The following CAMKMT variants were observed in gnomAD, a reference collection of about 807,000 sequenced individuals.
CAMKMT encodes calmodulin-lysine N-methyltransferase.
In CAMKMT, 53 loss-of-function variants were observed where a neutral mutation model predicts 48.0. The observed-to-expected ratio is 1.10, with a 90% CI of 0.89 to 1.39. The LOEUF (loss-of-function observed/expected upper bound fraction) is 1.39. CAMKMT is among the 40% of genes most tolerant of loss of function. CAMKMT has a pLI of 0.00. For synonymous variants in CAMKMT, 165 were observed against 152.3 expected, an observed-to-expected ratio of 1.08 and a Z score of -0.61; for missense variants, 428 against 402.7, an observed-to-expected ratio of 1.06 and a Z score of -0.54.
intron 10 of CAMKMT, among the ~76,000 whole-genome samples, chr2:44,768,263 G>T (rs1680930705): frequency 1.3e-5 from 2 of 151,538 alleles, no homozygotes; most frequent in Non-Finnish European, 2.9e-5. Flanking sequence ...GTGGTTGGGG[G>T]TGGGGAGAGT....
At chr2:44,464,800 C>T (rs1668026821) in intron 3 of CAMKMT, among the ~76,000 whole-genome samples, 1 of 152,152 alleles carries the variant, frequency 6.6e-6, no homozygotes, top group African/African-American at 2.4e-5. Flanking sequence ...CATCATTTAT[C>T]ATCACTAGAC....
intron 3 of CAMKMT, among the ~76,000 whole-genome samples, chr2:44,517,774 G>T (rs1376226091): frequency 6.6e-6 from 1 of 152,160 alleles, no homozygotes; most frequent in Non-Finnish European, 1.5e-5. Context: ...TAGTTAGAAA[G>T]ATCATCAACA....
chr2:44,385,303 A>G (rs1467772839), intron 2 of CAMKMT, among the ~76,000 whole-genome samples: 14 of 152,254 alleles, frequency 9.2e-5, no homozygotes, highest in Non-Finnish European at 1.5e-5. Context: ...GGTGTATAGA[A>G]AAACTATTGA....
At chr2:44,437,266 G>C (rs1229685988) in intron 3 of CAMKMT, among the ~76,000 whole-genome samples, 1 of 152,124 alleles carries the variant, frequency 6.6e-6, no homozygotes, top group African/African-American at 2.4e-5. Flanking sequence ...ATAGATTAAT[G>C]TTTATATACA....
At chr2:44,554,844 C>T (rs761837751) in intron 3 of CAMKMT, among the ~76,000 whole-genome samples, 6 of 152,082 alleles carry the variant, frequency 3.9e-5, no homozygotes, top group African/African-American at 9.7e-5. Context: ...CCCTGCACTC[C>T]GGCCCGAGTG....
chr2:44,537,953 G>A (rs1666872295), intron 3 of CAMKMT, among the ~76,000 whole-genome samples: 2 of 152,148 alleles, frequency 1.3e-5, no homozygotes, highest in South Asian at 2.1e-4. Flanking sequence ...CCACTACTGG[G>A]TATCTACCCA....
At chr2:44,654,335 TA>T (rs1273198377) in intron 3 of CAMKMT, among the ~76,000 whole-genome samples, 1 of 152,154 alleles carries the variant, frequency 6.6e-6, no homozygotes, top group Non-Finnish European at 1.5e-5. Context: ...TTAAGTTTTT[TA>T]CATTACTCAA....
chr2:44,685,028 C>T (rs1676258824), intron 3 of CAMKMT, among the ~76,000 whole-genome samples: 1 of 151,924 alleles, frequency 6.6e-6, no homozygotes, highest in Admixed American at 6.6e-5. Context: ...TTGCTATTCT[C>T]CATGAATACA....
rs118159734 is a variant in CAMKMT at position 44,617,261 on chromosome 2, A to G, written c.377-87022A>G. On this transcript the variant is annotated intron_variant, in intron 3 of 10. Coordinates refer to ENST00000378494, the MANE Select transcript of CAMKMT (RefSeq NM_024766.5). ...CAGAAACTTTTATTAATATTGACCC[A>G]TAACTGTGGCTCTGCAGGAGTTTTT... is the stretch of plus-strand genomic sequence containing the variant. 7.2e-5 allele frequency among the ~76,000 whole-genome samples: 11 copies of G among 152,322 alleles called. No individual in the cohort carries two copies. The East Asian group carries it at 1.9e-3, about 27-fold the overall frequency.
intron 3 of CAMKMT, among the ~76,000 whole-genome samples, chr2:44,625,228 T>G (rs182703303): frequency 3.9e-4 from 59 of 152,356 alleles, no homozygotes; most frequent in African/African-American, 1.3e-3. Flanking sequence ...GATTTCAATT[T>G]GCATTCCCCT....
At chr2:44,681,351 C>T (rs1296820073) in intron 3 of CAMKMT, among the ~76,000 whole-genome samples, 3 of 152,098 alleles carry the variant, frequency 2.0e-5, no homozygotes, top group East Asian at 1.9e-4. Flanking sequence ...GGATTTTAGT[C>T]GCAGCTGATC....
intron 6 of CAMKMT, among the ~76,000 whole-genome samples, chr2:44,708,211 A>ATTTTTGTTTTT (rs1677672266): frequency 1.5e-5 from 1 of 68,180 alleles, no homozygotes; most frequent in Non-Finnish European, 2.5e-5. Flanking sequence ...TTTGCTTTGG[A>ATTTTTGTTTTT]TTTTTTTTTT....
At chr2:44,484,641 A>C (rs1189630223) in intron 3 of CAMKMT, among the ~76,000 whole-genome samples, 1 of 151,848 alleles carries the variant, frequency 6.6e-6, no homozygotes, top group Non-Finnish European at 1.5e-5. Context: ...ACATTAATGC[A>C]TAAGAATATC....
At chr2:44,698,792 T>C (rs2138590) in intron 3 of CAMKMT, among the ~76,000 whole-genome samples, 1 of 152,256 alleles carries the variant, frequency 6.6e-6, no homozygotes. Flanking sequence ...CATGCGATGC[T>C]ATTTGACAGC....
intron 3 of CAMKMT, among the ~76,000 whole-genome samples, chr2:44,403,134 T>A (rs1682545221): frequency 6.6e-6 from 1 of 152,144 alleles, no homozygotes; most frequent in South Asian, 2.1e-4. Flanking sequence ...TAGGGAACCC[T>A]GGCTGTCCAT....
intron 3 of CAMKMT, among the ~76,000 whole-genome samples, chr2:44,674,211 T>C (rs1675536327): frequency 1.3e-5 from 2 of 152,244 alleles, no homozygotes; most frequent in South Asian, 4.1e-4. Context: ...AACTCATTAT[T>C]GTTTGAATGA....
intron 3 of CAMKMT, among the ~76,000 whole-genome samples, chr2:44,511,432 G>T (rs1670546315): frequency 6.6e-6 from 1 of 152,130 alleles, no homozygotes; most frequent in Non-Finnish European, 1.5e-5. Flanking sequence ...GGGACTACAG[G>T]TGTGCACTAA....
At chr2:44,691,786 T>A (rs894294536) in intron 3 of CAMKMT, among the ~76,000 whole-genome samples, 2 of 152,166 alleles carry the variant, frequency 1.3e-5, no homozygotes, top group Admixed American at 6.5e-5. Flanking sequence ...CAAACCTCCC[T>A]GTGCCTTGAT....
chr2:44,598,592 G>C (rs984755794), intron 3 of CAMKMT, among the ~76,000 whole-genome samples: 4 of 150,638 alleles, frequency 2.7e-5, no homozygotes, highest in Non-Finnish European at 5.9e-5. Flanking sequence ...AACCTACTTA[G>C]AATGTTAGCA....
Sources: gnomAD v4.1 joint callset for allele counts (sites outside exome capture counted in the v4.1 genomes callset) on GRCh38, gnomAD v4.1.1 for gene constraint, MANE v1.5 for transcripts, NCBI Gene and HGNC (gene_info 2026-07-23, HGNC 2026-07-21) for gene names.